The following HSBP1 variants were observed in gnomAD, a reference collection of about 807,000 sequenced individuals.
HSBP1 encodes heat shock factor-binding protein 1.
HSBP1 carries 5 observed loss-of-function variants against 9.6 expected under a neutral mutation model. The ratio of observed to expected loss-of-function variants is 0.52; its 90% CI spans 0.27 to 1.09. The LOEUF (loss-of-function observed/expected upper bound fraction) is 1.09, where lower values mean the gene tolerates loss of function less well. Among genes scored for constraint, HSBP1 ranks in the 50% least tolerant of loss-of-function variants. The probability of loss-of-function intolerance (pLI) is 0.11; values close to 1 mark genes in which losing one functional copy is unlikely to be tolerated. For missense variants in HSBP1, 121 were observed against 96.3 expected (o/e 1.26, Z -1.07); for synonymous variants, 42 against 33.3 (o/e 1.26, Z -0.90).
rs1266969592 is a variant in HSBP1 at position 83,815,025 on chromosome 16, T to G, written c.*3607T>G. The G allele has an allele frequency of 3.7e-5, 1 of 27,388 alleles. No homozygotes were observed. The highest frequency in any genetic ancestry group is 1.1e-4 in the African/African-American group (1 of 9,520). 1.7% of individuals were successfully genotyped at this position (27,388 alleles called of 1,614,324 possible). ...TTTCACTGTTTTTTGTTTTGTGGTG[T>G]TTTTTTTTTATTGCAACGAAGACTT... On this transcript the variant is annotated 3_prime_UTR_variant, in exon 4 of 4. Transcript: ENST00000433866.
chr16:83,810,684 T>G (rs930785060), intron 3 of HSBP1, among the ~76,000 whole-genome samples: 2 of 151,628 alleles, frequency 1.3e-5, no homozygotes, highest in African/African-American at 4.8e-5. Context: ...AAAAATTAGC[T>G]GGGTGTGGTG....
At position 83,813,475 on chromosome 16, in the gene HSBP1, CAAGTAGCT is replaced by C. The variant is rs2151031496; in HGVS notation, c.*2060_*2067del. On this transcript the variant is annotated 3_prime_UTR_variant, in exon 4 of 4. Transcript: ENST00000433866. The stretch of plus-strand genomic sequence containing the variant: ...AGGCAGTCCTCCTGCCTCAGCCTCC[CAAGTAGCT>C]AATATTACAGGTTCGTGCCACCGCA... 1 of 152,672 alleles carries C rather than the reference CAAGTAGCT, an allele frequency of 6.5e-6. No individual in the cohort carries two copies. The highest frequency in any genetic ancestry group is 2.4e-5 in the African/African-American group (1 of 41,534). 9.5% of individuals were successfully genotyped at this position (152,672 alleles called of 1,614,324 possible).
intron 3 of HSBP1, among the ~76,000 whole-genome samples, 196 bp from the exon 4 acceptor site, chr16:83,811,223 AAG>A (rs1321939426): frequency 6.6e-6 from 1 of 152,258 alleles, no homozygotes; most frequent in Non-Finnish European, 1.5e-5. Context: ...ATTCAAAGAA[AAG>A]AGTGGGAGTA....
Position 83,812,911 on chromosome 16 carries a change from C to T in HSBP1, c.*1493C>T, listed in dbSNP as rs1434663164. On this transcript the variant is annotated 3_prime_UTR_variant, in exon 4 of 4. Transcript: ENST00000433866. ...TTGTGACTTAGGCAGGAGTCGACCT[C>T]CTCAAGTAATGGAACGATTTCAAAG... is the stretch of plus-strand genomic sequence containing the variant. 1 of 152,174 alleles carries T rather than the reference C, an allele frequency of 6.6e-6. No homozygotes were observed. The allele number at this position is 152,174 out of a possible 1,614,324, so 9.4% of individuals were successfully genotyped here.
chr16:83,808,603 C>T, intron 1 of HSBP1, 77 bp from the exon 2 acceptor site: 1 of 1,182,834 alleles, frequency 8.5e-7, no homozygotes, highest in Non-Finnish European at 1.2e-6. Flanking sequence ...ACCCCGGGAC[C>T]AGGGCTTGCG....
chr16:83,814,817 A>G lies in HSBP1; in HGVS notation c.*3399A>G, dbSNP rs1311876140. The G allele has an allele frequency of 6.6e-6, 1 of 152,226 alleles. No homozygotes were observed. 9.4% of individuals were successfully genotyped at this position (152,226 alleles called of 1,614,324 possible). ...TTGAGAACAACAACAGAAACAAATG[A>G]CATTCCTCAAACATTTGCCCAGAGC... is the stretch of plus-strand genomic sequence containing the variant. On this transcript the variant is annotated 3_prime_UTR_variant, in exon 4 of 4. Transcript: ENST00000433866.
chr16:83,813,879 T>G lies in HSBP1; in HGVS notation c.*2461T>G, dbSNP rs367941353. 1.1e-4 allele frequency: 16 copies of G among 142,664 alleles called. No individual in the cohort carries two copies. The highest frequency in any genetic ancestry group is 3.9e-4 in the African/African-American group (16 of 40,970). 8.8% of individuals were successfully genotyped at this position (142,664 alleles called of 1,614,324 possible). ...ATTTCAATCTTATTTTCATATCAATTTTTTCTTTGTTTCACTACAAGTACA... is the reference window on the plus strand; with the variant it reads ...ATTTCAATCTTATTTTCATATCAATGTTTTCTTTGTTTCACTACAAGTACA... On this transcript the variant is annotated 3_prime_UTR_variant, in exon 4 of 4. Coordinates refer to ENST00000433866, the MANE Select transcript of HSBP1 (RefSeq NM_001537.4).
rs940306110 is a variant in HSBP1, at chr16:83,818,262, T to G, written c.*6844T>G. On this transcript the variant is annotated 3_prime_UTR_variant, in exon 4 of 4. Coordinates refer to ENST00000433866, the MANE Select transcript of HSBP1 (RefSeq NM_001537.4). ...CTTTTCCTGGGCCACTCTCATTTTC[T>G]CAAACTTGGACAAGTCTTAACAATA... 1.3e-5 allele frequency: 2 copies of G among 152,214 alleles called. No homozygotes were observed. Among genetic ancestry groups the G allele is most frequent in the South Asian group, 4.1e-4 (2 of 4,830 alleles). The allele number at this position is 152,214 out of a possible 1,614,324, so 9.4% of individuals were successfully genotyped here. A position where few individuals can be genotyped will look rare whatever the true frequency, so the allele number is the denominator to read the frequency against.
chr16:83,817,754 A>G lies in HSBP1; in HGVS notation c.*6336A>G, dbSNP rs997134180. The G allele has an allele frequency of 6.6e-6, 1 of 152,210 alleles. No individual in the cohort carries two copies. Among genetic ancestry groups the G allele is most frequent in the Admixed American group, 6.5e-5 (1 of 15,280 alleles). 9.4% of individuals were successfully genotyped at this position (152,210 alleles called of 1,614,324 possible). A position where few individuals can be genotyped will look rare whatever the true frequency, so the allele number is the denominator to read the frequency against. On this transcript the variant is annotated 3_prime_UTR_variant, in exon 4 of 4. Coordinates refer to ENST00000433866, the MANE Select transcript of HSBP1 (RefSeq NM_001537.4). ...AATCATCAGAAGAGCCATTTCTGGA[A>G]ATGTAAATAATATGGCTGTTTCTTT...
chr16:83,811,378 C>T (rs1476432292), intron 3 of HSBP1, 43 bp from the exon 4 acceptor site: 1 of 152,192 alleles, frequency 6.6e-6, no homozygotes, highest in Non-Finnish European at 1.5e-5. Flanking sequence ...TACTTGTGCT[C>T]ATATAATGAA....
chr16:83,810,697 G>T (rs1194956873), intron 3 of HSBP1, among the ~76,000 whole-genome samples: 1 of 151,298 alleles, frequency 6.6e-6, no homozygotes, highest in Non-Finnish European at 1.5e-5. Context: ...GTGTGGTGGT[G>T]CACGCCTGTA....
In HSBP1 at chr16:83,819,501, C is replaced by A. The variant is rs1265409269; in HGVS notation, c.*8083C>A. 6.6e-6 allele frequency: 1 copy of A among 152,100 alleles called. No individual in the cohort carries two copies. The highest frequency in any genetic ancestry group is 2.4e-5 in the African/African-American group (1 of 41,404). 9.4% of individuals were successfully genotyped at this position (152,100 alleles called of 1,614,324 possible). A position where few individuals can be genotyped will look rare whatever the true frequency, so the allele number is the denominator to read the frequency against. ...CCACCCCTAAGCCCGAGGAACTGAGCGTGAAGAGCCCTGACGCCATGAAGA... is the reference window on the plus strand; with the variant it reads ...CCACCCCTAAGCCCGAGGAACTGAGAGTGAAGAGCCCTGACGCCATGAAGA... On this transcript the variant is annotated 3_prime_UTR_variant, in exon 4 of 4. Coordinates refer to ENST00000433866, the MANE Select transcript of HSBP1 (RefSeq NM_001537.4).
chr16:83,808,395 C>CA (rs897287526), intron 1 of HSBP1: 3 of 558,012 alleles, frequency 5.4e-6, no homozygotes, highest in Non-Finnish European at 9.4e-6. Flanking sequence ...CTACCTCTGA[C>CA]ACCCTCCCCG....
Position 83,808,466 on chromosome 16 carries a change from T to G in HSBP1, c.46-214T>G, listed in dbSNP as rs1904515384. 3 of 581,882 alleles carry G rather than the reference T, an allele frequency of 5.2e-6. No individual in the cohort carries two copies. In the East Asian group the frequency reaches 8.7e-5, roughly 17 times the overall value. The allele number at this position is 581,882 out of a possible 1,614,324, so 36.0% of individuals were successfully genotyped here. ...CCCGGCAGAAACAACCTAAAGACCC[T>G]GAGCTTTGAGTCGCAGCGGCCTCCC... On this transcript the variant is annotated intron_variant, in intron 1 of 3. Coordinates refer to ENST00000433866, the MANE Select transcript of HSBP1 (RefSeq NM_001537.4).
Position 83,808,866 on chromosome 16 carries a change from C to G in HSBP1, c.112+120C>G. On this transcript the variant is annotated intron_variant, in intron 2 of 3. Coordinates refer to ENST00000433866, the MANE Select transcript of HSBP1 (RefSeq NM_001537.4). ...CAGCCATTCACTTGTAGAATTTGAGCTTGGATTGTACTGTGTTTCTGAGAA... is the reference window on the plus strand; with the variant it reads ...CAGCCATTCACTTGTAGAATTTGAGGTTGGATTGTACTGTGTTTCTGAGAA... 4 of 746,808 alleles carry G rather than the reference C, an allele frequency of 5.4e-6. No individual in the cohort carries two copies. The South Asian group carries it at 6.9e-5, about 13-fold the overall frequency. 46.3% of individuals were successfully genotyped at this position (746,808 alleles called of 1,614,324 possible).
Position 83,813,860 on chromosome 16 carries a change from A to G in HSBP1, c.*2442A>G, listed in dbSNP as rs988542622. On this transcript the variant is annotated 3_prime_UTR_variant, in exon 4 of 4. Coordinates refer to ENST00000433866, the MANE Select transcript of HSBP1 (RefSeq NM_001537.4). Reference sequence around the variant, plus strand: ...AGCCACAGGATTTTAAAATATTTCAATCTTATTTTCATATCAATTTTTTCT... The same window carrying G: ...AGCCACAGGATTTTAAAATATTTCAGTCTTATTTTCATATCAATTTTTTCT... 3.3e-5 allele frequency: 5 copies of G among 150,028 alleles called. No homozygotes were observed. Among genetic ancestry groups the G allele is most frequent in the African/African-American group, 1.2e-4 (5 of 41,282 alleles). 9.3% of individuals were successfully genotyped at this position (150,028 alleles called of 1,614,324 possible). A position where few individuals can be genotyped will look rare whatever the true frequency, so the allele number is the denominator to read the frequency against.
At chr16:83,810,479 G>A (rs566136491) in intron 3 of HSBP1, among the ~76,000 whole-genome samples, 1 of 132,248 alleles carries the variant, frequency 7.6e-6, no homozygotes, top group Non-Finnish European at 1.5e-5. Context: ...TCGAGGTCAC[G>A]CCACTGCACT....
intron 3 of HSBP1, among the ~76,000 whole-genome samples, chr16:83,810,047 T>A (rs111774006): frequency 2.2e-4 from 2 of 9,256 alleles, no homozygotes; most frequent in Non-Finnish European, 8.6e-4. Context: ...AGCTAATAAT[T>A]AAGGTGTCTT....
At position 83,815,663 on chromosome 16, in the gene HSBP1, A is replaced by G; in HGVS notation, c.*4245A>G. On this transcript the variant is annotated 3_prime_UTR_variant, in exon 4 of 4. Coordinates refer to ENST00000433866, the MANE Select transcript of HSBP1 (RefSeq NM_001537.4). ...AGCCTCTGTGGGATCCCTGAGAATG[A>G]TGAAATGTAATATGTGGCTGTCTCA... 1 of 152,202 alleles carries G rather than the reference A, an allele frequency of 6.6e-6. No homozygotes were observed. The highest frequency in any genetic ancestry group is 1.9e-4 in the East Asian group (1 of 5,194). 9.4% of individuals were successfully genotyped at this position (152,202 alleles called of 1,614,324 possible).
Sources: allele counts gnomAD v4.1 joint callset (sites outside exome capture counted in the v4.1 genomes callset), GRCh38; gene constraint gnomAD v4.1.1; transcripts MANE v1.5; gene names NCBI Gene and HGNC (gene_info 2026-07-23, HGNC 2026-07-21).